Variants in SSBP2 observed in about 807,000 individuals in gnomAD.
The protein encoded by SSBP2 is single-stranded DNA-binding protein 2.
SSBP2 carries 17 observed loss-of-function variants against 61.8 expected under a neutral mutation model. The ratio of observed to expected loss-of-function variants is 0.28; its 90% CI spans 0.19 to 0.41. The LOEUF is 0.41. Among genes scored for constraint, SSBP2 ranks in the 10% least tolerant of loss-of-function variants. SSBP2 has a pLI of 1.00. For missense variants in SSBP2, 310 were observed against 458.7 expected (o/e 0.68, Z 2.96); for synonymous variants, 139 against 141.3 (o/e 0.98, Z 0.12).
chr5:81,519,880 T>G (rs1299741325), intron 4 of SSBP2, among the ~76,000 whole-genome samples: 1 of 152,174 alleles, frequency 6.6e-6, no homozygotes, highest in Admixed American at 6.6e-5. Flanking sequence ...TTTTTCTGTT[T>G]CATTAACATG....
intron 4 of SSBP2, among the ~76,000 whole-genome samples, chr5:81,567,978 TAGGAGGAAGGAACTTGA>T (rs1773563721): frequency 6.6e-6 from 1 of 152,156 alleles, no homozygotes; most frequent in African/African-American, 2.4e-5. Context: ...TACAGGCTCA[TAGGAGGAAGGAACTTGA>T]TGGAGGAAGG....
intron 8 of SSBP2, among the ~76,000 whole-genome samples, chr5:81,468,823 G>C (rs1011030666): frequency 1.3e-5 from 2 of 151,896 alleles, no homozygotes; most frequent in Non-Finnish European, 2.9e-5. Context: ...CCAAATTTGT[G>C]AGCTATGGGA....
intron 13 of SSBP2, among the ~76,000 whole-genome samples, chr5:81,440,948 C>G (rs909837342): frequency 1.3e-5 from 2 of 152,210 alleles, no homozygotes; most frequent in Non-Finnish European, 2.9e-5. Context: ...GCATTTTCCT[C>G]TATGATACTG....
chr5:81,484,146 G>A (rs890838274), intron 6 of SSBP2, among the ~76,000 whole-genome samples: 2 of 152,128 alleles, frequency 1.3e-5, no homozygotes, highest in African/African-American at 4.8e-5. Context: ...ATATTTCTGA[G>A]AGTGATTTTG....
chr5:81,672,853 C>T (rs1751684532), intron 1 of SSBP2, among the ~76,000 whole-genome samples: 1 of 151,314 alleles, frequency 6.6e-6, no homozygotes, highest in Non-Finnish European at 1.5e-5. Flanking sequence ...GGATTACAGG[C>T]GTTAGCCACC....
rs79351621 is a variant in SSBP2, at chr5:81,517,636, A to G, written c.283-3919T>C. On this transcript the variant is annotated intron_variant, in intron 4 of 16. Transcript: ENST00000320672. ...ATCTTCTCTGGAACTTTTTGAACTT[A>G]TATCATTCTACCCTCTAAGAAAGCA... Among the ~76,000 whole-genome samples, 1,096 of 151,986 alleles carry G rather than the reference A, an allele frequency of 7.2e-3. 23 individuals carry two copies. The highest frequency in any genetic ancestry group is 0.025 in the African/African-American group (1,038 of 41,520).
chr5:81,423,744 C>CA (rs144509502), intron 16 of SSBP2, among the ~76,000 whole-genome samples: 2,534 of 130,500 alleles, frequency 0.019, 53 homozygotes, highest in African/African-American at 0.064. Flanking sequence ...GACTCCGTCT[C>CA]AAAAAAAAAA....
chr5:81,614,791 TTCTTA>T (rs1745835190), intron 4 of SSBP2, among the ~76,000 whole-genome samples: 1 of 152,176 alleles, frequency 6.6e-6, no homozygotes, highest in African/African-American at 2.4e-5. Context: ...CATCTTCTCA[TTCTTA>T]TCTTCACTGT....
intron 3 of SSBP2, among the ~76,000 whole-genome samples, chr5:81,629,351 G>C (rs1418480671): frequency 6.6e-6 from 1 of 152,142 alleles, no homozygotes; most frequent in Non-Finnish European, 1.5e-5. Context: ...ATCACATCAG[G>C]GACCTGGTTT....
intron 15 of SSBP2, among the ~76,000 whole-genome samples, chr5:81,436,166 C>G (rs1762662361): frequency 8.9e-6 from 1 of 112,504 alleles, no homozygotes; most frequent in African/African-American, 3.6e-5. Flanking sequence ...CTAGCATGGG[C>G]AACAGAGCAA....
chr5:81,644,742 G>A (rs1749112499), intron 2 of SSBP2, among the ~76,000 whole-genome samples: 1 of 152,112 alleles, frequency 6.6e-6, no homozygotes, highest in Admixed American at 6.5e-5. Flanking sequence ...GAACCAGAGT[G>A]GGGCTATAAT....
chr5:81,578,321 C>T (rs1281314069), intron 4 of SSBP2, among the ~76,000 whole-genome samples: 2 of 151,974 alleles, frequency 1.3e-5, no homozygotes, highest in Non-Finnish European at 2.9e-5. Flanking sequence ...CCCTCTTCTC[C>T]TTGTTCCTTC....
intron 1 of SSBP2, among the ~76,000 whole-genome samples, chr5:81,660,501 G>C (rs1181986806): frequency 1.3e-5 from 2 of 152,104 alleles, no homozygotes; most frequent in Non-Finnish European, 2.9e-5. Flanking sequence ...AAAACATCAG[G>C]AAACAACAGA....
At chr5:81,474,366 T>C (rs1580776141) in intron 7 of SSBP2, 130 bp downstream of exon 7, 1 of 704,758 alleles carries the variant, frequency 1.4e-6, no homozygotes, top group Admixed American at 2.5e-5. Flanking sequence ...CATTTGGCTA[T>C]GTTACTTAGA....
At chr5:81,730,194 C>T (rs1756162385) in intron 1 of SSBP2, among the ~76,000 whole-genome samples, 1 of 152,152 alleles carries the variant, frequency 6.6e-6, no homozygotes, top group African/African-American at 2.4e-5. Flanking sequence ...AACGCTTCAT[C>T]ATTACCAAAA....
At chr5:81,505,273 G>C (rs1337594185) in intron 5 of SSBP2, among the ~76,000 whole-genome samples, 1 of 152,178 alleles carries the variant, frequency 6.6e-6, no homozygotes, top group African/African-American at 2.4e-5. Flanking sequence ...GACCTGCAAA[G>C]CCTAAAATAT....
chr5:81,573,767 G>T (rs1774000081), intron 4 of SSBP2, among the ~76,000 whole-genome samples: 1 of 152,078 alleles, frequency 6.6e-6, no homozygotes, highest in African/African-American at 2.4e-5. Context: ...TATACATCTG[G>T]AAACAAAGAG....
chr5:81,591,395 C>A (rs970621093), intron 4 of SSBP2, among the ~76,000 whole-genome samples: 6 of 152,060 alleles, frequency 3.9e-5, no homozygotes, highest in African/African-American at 1.4e-4. Flanking sequence ...AAGTACAAGA[C>A]ATATCAAGAA....
intron 4 of SSBP2, among the ~76,000 whole-genome samples, chr5:81,564,271 C>G (rs756597350): frequency 6.6e-6 from 1 of 151,914 alleles, no homozygotes; most frequent in South Asian, 2.1e-4. Flanking sequence ...AAACTGGAAC[C>G]CTTGCACAAG....
Sources: gnomAD v4.1 joint callset for allele counts (sites outside exome capture counted in the v4.1 genomes callset) on GRCh38, gnomAD v4.1.1 for gene constraint, MANE v1.5 for transcripts, NCBI Gene and HGNC (gene_info 2026-07-23, HGNC 2026-07-21) for gene names.